The following MAD1L1 variants were observed in gnomAD, a reference collection of about 807,000 sequenced individuals.
MAD1L1 encodes the protein mitotic arrest deficient 1 like 1.
Under a neutral mutation model 96.9 loss-of-function variants are expected in MAD1L1, and 95 were observed. The observed-to-expected ratio is 0.98, with a 90% confidence interval of 0.83 to 1.16. The LOEUF (loss-of-function observed/expected upper bound fraction) is 1.16. Ranked by LOEUF, MAD1L1 falls within the 50% of genes most tolerant of loss-of-function variation. The probability of loss-of-function intolerance (pLI) is 0.00; values close to 1 mark genes in which losing one functional copy is unlikely to be tolerated. For missense variants in MAD1L1, 1,007 were observed against 954.4 expected (o/e 1.06, Z -0.73); for synonymous variants, 473 against 396.6 (o/e 1.19, Z -2.29).
intron 14 of MAD1L1, among the ~76,000 whole-genome samples, chr7:1,997,533 C>G (rs553609865): frequency 6.6e-6 from 1 of 152,276 alleles, no homozygotes; most frequent in African/African-American, 2.4e-5. Flanking sequence ...GGCGAGCTCC[C>G]GCTCAGGTTC....
chr7:1,960,718 C>T (rs1380549162), intron 15 of MAD1L1, among the ~76,000 whole-genome samples: 1 of 152,154 alleles, frequency 6.6e-6, no homozygotes, highest in African/African-American at 2.4e-5. Flanking sequence ...ACTTCAGTAT[C>T]CCTCTCTCAA....
intron 12 of MAD1L1, among the ~76,000 whole-genome samples, chr7:2,031,883 C>T (rs4719401): frequency 0.054 from 8,174 of 152,358 alleles, 395 homozygotes; most frequent in African/African-American, 0.12. Context: ...AGTGGAGTCA[C>T]GGCTCTGGGG....
chr7:2,141,966 AC>A (rs1789056934), intron 11 of MAD1L1, among the ~76,000 whole-genome samples: 1 of 152,154 alleles, frequency 6.6e-6, no homozygotes, highest in African/African-American at 2.4e-5. Context: ...GGCAGCCATC[AC>A]CGGCCAGCAG....
At chr7:1,877,852 G>A (rs960808108) in intron 18 of MAD1L1, among the ~76,000 whole-genome samples, 1 of 152,218 alleles carries the variant, frequency 6.6e-6, no homozygotes, top group Middle Eastern at 3.4e-3. Context: ...AATCTTAACT[G>A]CGTATGTACC....
Position 2,219,434 on chromosome 7 carries a change from C to T in MAD1L1, c.494G>A (p.Arg165Lys). 6.2e-7 allele frequency: 1 copy of T among 1,613,792 alleles called. No individual in the cohort carries two copies. The highest frequency in any genetic ancestry group is 8.5e-7 in the Non-Finnish European group (1 of 1,179,904). ...AGETINALKGRISELQWSVMD... is the reference protein window; with the variant it reads ...AGETINALKGKISELQWSVMD... ...CACGCTCCACTGCAGTTCCGAGATC[C>T]TCCCCTTCAGTGCGTTGATGGTCTA... is the stretch of plus-strand genomic sequence containing the variant. Residue 165 changes from arginine (R) to lysine (K), a missense_variant, in exon 6 of 19, where the codon AGG (arginine) becomes AAG (lysine). Coordinates refer to ENST00000265854, the MANE Select transcript of MAD1L1 (RefSeq NM_001013836.2).
chr7:2,033,163 T>G (rs899328008), intron 12 of MAD1L1, among the ~76,000 whole-genome samples: 1 of 152,252 alleles, frequency 6.6e-6, no homozygotes, highest in Non-Finnish European at 1.5e-5. Context: ...TGCCAGGCCC[T>G]GTGCTGGCCA....
chr7:1,957,697 C>G lies in MAD1L1; in HGVS notation c.1528G>C (p.Gly510Arg). 6.2e-7 allele frequency: 1 copy of G among 1,614,176 alleles called. No individual in the cohort carries two copies. Among genetic ancestry groups the G allele is most frequent in the Non-Finnish European group, 8.5e-7 (1 of 1,180,046 alleles). Reference protein sequence around the residue: ...TLRLKVEELEGERSRLEEEKR... With the variant: ...TLRLKVEELERERSRLEEEKR... ...TCCTCCTCCAGCCGACTCCGCTCGC[C>G]TTCCAGCTCCTCGACCTTCAACCTG... Residue 510 changes from glycine to arginine, a missense_variant, in exon 16 of 19, where the codon GGC (glycine) becomes CGC (arginine). Coordinates refer to ENST00000265854, the MANE Select transcript of MAD1L1 (RefSeq NM_001013836.2).
chr7:1,983,140 GCGCGCGCGCGCGCGCACA>G lies in MAD1L1; in HGVS notation c.1417-2617_1417-2600del, dbSNP rs1252776734. On this transcript the variant is annotated intron_variant, in intron 14 of 18. Transcript: ENST00000265854. ...CGCACACACACCCACAGACGCGCGC[GCGCGCGCGCGCGCGCACA>G]CACACACACACACACACACACACAC... Among the ~76,000 whole-genome samples, 59 of 99,280 alleles carry G rather than the reference GCGCGCGCGCGCGCGCACA, an allele frequency of 5.9e-4. 1 individual carries two copies. The highest frequency in any genetic ancestry group is 1.7e-3 in the East Asian group (5 of 2,960). 65.1% of individuals were successfully genotyped at this position (99,280 alleles called of 152,430 possible). A position where few individuals can be genotyped will look rare whatever the true frequency, so the allele number is the denominator to read the frequency against.
chr7:2,179,528 CAAAA>C (rs1254973924), intron 10 of MAD1L1, among the ~76,000 whole-genome samples: 3 of 79,974 alleles, frequency 3.8e-5, no homozygotes, highest in Non-Finnish European at 2.6e-5. Context: ...GACTCTGTCT[CAAAA>C]AAAAAAAAAA....
chr7:2,207,250 G>T (rs974383779), intron 10 of MAD1L1, among the ~76,000 whole-genome samples: 1 of 152,056 alleles, frequency 6.6e-6, no homozygotes, highest in Non-Finnish European at 1.5e-5. Flanking sequence ...ATATATATTT[G>T]GTCTTTCTGT....
chr7:1,957,568 C>G (rs10238700), intron 16 of MAD1L1, 61 bp downstream of exon 16: 1 of 1,533,508 alleles, frequency 6.5e-7, no homozygotes, highest in Non-Finnish European at 8.9e-7. Context: ...CGGTCGTTCA[C>G]GACGCCCAAA....
chr7:2,197,476 G>A (rs997540411), intron 10 of MAD1L1, among the ~76,000 whole-genome samples: 2 of 151,942 alleles, frequency 1.3e-5, no homozygotes, highest in Admixed American at 6.6e-5. Context: ...CTCATCTCCC[G>A]CCCCGACCCA....
chr7:1,960,446 C>G (rs1779907990), intron 15 of MAD1L1, among the ~76,000 whole-genome samples: 1 of 152,022 alleles, frequency 6.6e-6, no homozygotes, highest in African/African-American at 2.4e-5. Context: ...ACTTTAAATA[C>G]AAAGATGCAA....
Position 2,216,008 on chromosome 7 carries a change from G to A in MAD1L1, c.810-9C>T. ...TGGTCTCTCTCATCTCCCTGGCAGT[G>A]CCACAAAGAGTCGCTCAAATAGCCA... is the stretch of plus-strand genomic sequence containing the variant. On this transcript the variant is annotated splice_polypyrimidine_tract_variant and intron_variant, in intron 8 of 18. Transcript: ENST00000265854. The A allele has an allele frequency of 6.2e-7, 1 of 1,613,582 alleles. No individual in the cohort carries two copies. The highest frequency in any genetic ancestry group is 8.5e-7 in the Non-Finnish European group (1 of 1,179,678).
chr7:2,075,577 G>A (rs1397214274), intron 11 of MAD1L1, among the ~76,000 whole-genome samples: 2 of 152,102 alleles, frequency 1.3e-5, no homozygotes, highest in Non-Finnish European at 2.9e-5. Context: ...TCAAGGAGAA[G>A]CCAGGCATGT....
At chr7:2,210,996 A>G (rs1209222250) in intron 10 of MAD1L1, among the ~76,000 whole-genome samples, 1 of 152,242 alleles carries the variant, frequency 6.6e-6, no homozygotes, top group African/African-American at 2.4e-5. Flanking sequence ...GGCCCAGAGC[A>G]GCGCAGTGAC....
intron 16 of MAD1L1, among the ~76,000 whole-genome samples, chr7:1,943,755 C>G (rs967298304): frequency 2.6e-5 from 4 of 151,806 alleles, no homozygotes; most frequent in Non-Finnish European, 5.9e-5. Flanking sequence ...GAACTGCACA[C>G]ACATCTACAC....
intron 5 of MAD1L1, chr7:2,220,815 A>C: frequency 1.4e-6 from 2 of 1,423,636 alleles, no homozygotes; most frequent in Non-Finnish European, 1.9e-6. Context: ...ACAAAGAAGA[A>C]AGGTATTAAA....
At chr7:2,127,453 G>A (rs1788284867) in intron 11 of MAD1L1, among the ~76,000 whole-genome samples, 1 of 152,178 alleles carries the variant, frequency 6.6e-6, no homozygotes, top group Admixed American at 6.5e-5. Context: ...CAGCCTCTTG[G>A]GAAGCTGCTT....
Sources: gnomAD v4.1 joint callset for allele counts (sites outside exome capture counted in the v4.1 genomes callset) on GRCh38, gnomAD v4.1.1 for gene constraint, MANE v1.5 for transcripts, NCBI Gene and HGNC (gene_info 2026-07-23, HGNC 2026-07-21) for gene names.